SLC23A2: variants seen among roughly 807,000 people sequenced by gnomAD.
SLC23A2 encodes the protein Na(+)/L-ascorbic acid transporter 2.
SLC23A2 carries 36 observed loss-of-function variants against 73.3 expected under a neutral mutation model. That is an observed-to-expected ratio of 0.49 (90% CI 0.38 to 0.65). The LOEUF is 0.65. SLC23A2 is among the 30% of genes least tolerant of loss of function. The pLI is 0.00. For synonymous variants in SLC23A2, 343 were observed against 327.3 expected (o/e 1.05, Z -0.52); for missense variants, 507 against 841.6 (o/e 0.60, Z 4.92).
intron 3 of SLC23A2, among the ~76,000 whole-genome samples, chr20:4,915,922 T>C (rs1932306612): frequency 6.6e-6 from 1 of 152,156 alleles, no homozygotes. Flanking sequence ...TACTCCACCC[T>C]GGTCAACAGA....
chr20:4,871,378 T>G (rs1930440030), intron 11 of SLC23A2, among the ~76,000 whole-genome samples: 1 of 151,038 alleles, frequency 6.6e-6, no homozygotes, highest in Non-Finnish European at 1.5e-5. Flanking sequence ...GAGGAGGAGG[T>G]GGGAACGGAG....
At chr20:4,859,030 A>C (rs1240559025) in intron 16 of SLC23A2, among the ~76,000 whole-genome samples, 1 of 152,164 alleles carries the variant, frequency 6.6e-6, no homozygotes, top group Admixed American at 6.5e-5. Flanking sequence ...CTGCCATCTC[A>C]CCAAACGCAG....
intron 13 of SLC23A2, 84 bp downstream of exon 13, chr20:4,867,686 T>C (rs2122786927): frequency 3.2e-6 from 2 of 622,830 alleles, no homozygotes; most frequent in Non-Finnish European, 5.4e-6. Flanking sequence ...GGCCCGCCCA[T>C]TTGGAACTTG....
At chr20:4,875,546 T>C (rs3787458) in intron 9 of SLC23A2, among the ~76,000 whole-genome samples, 1 of 151,938 alleles carries the variant, frequency 6.6e-6, no homozygotes, top group Admixed American at 6.6e-5. Flanking sequence ...CTGGGCTGCG[T>C]AAGTCCCTCT....
intron 11 of SLC23A2, among the ~76,000 whole-genome samples, chr20:4,873,019 T>A (rs372121900): frequency 1.8e-4 from 28 of 152,304 alleles, no homozygotes; most frequent in East Asian, 1.2e-3. Context: ...CTCCCCAAAG[T>A]GCTGGGGTTA....
At chr20:4,910,858 G>A (rs1932117540) in intron 4 of SLC23A2, among the ~76,000 whole-genome samples, 1 of 152,206 alleles carries the variant, frequency 6.6e-6, no homozygotes, top group South Asian at 2.1e-4. Context: ...AAATACAAAT[G>A]TATCAATGTT....
rs543656526 is a variant in SLC23A2 at position 5,009,431 on chromosome 20, A to G, written c.-282+751T>C. ...CCACCCCGAGTCCCTAGGCTGGTGC[A>G]AGTATACTCCCTCCATGCATCACAG... On this transcript the variant is annotated intron_variant, in intron 1 of 16. Transcript: ENST00000379333. 9.9e-5 allele frequency among the ~76,000 whole-genome samples: 15 copies of G among 152,272 alleles called. No homozygotes were observed. In the South Asian group the frequency reaches 2.3e-3, roughly 23 times the overall value.
chr20:4,873,366 G>C (rs1013570210), intron 11 of SLC23A2, among the ~76,000 whole-genome samples: 2 of 152,112 alleles, frequency 1.3e-5, no homozygotes, highest in Non-Finnish European at 2.9e-5. Context: ...TGCGAGTCCA[G>C]GTGACACCCC....
chr20:4,945,322 C>T (rs534236407), intron 2 of SLC23A2, among the ~76,000 whole-genome samples: 8 of 151,584 alleles, frequency 5.3e-5, no homozygotes, highest in Admixed American at 2.0e-4. Context: ...GTTTGTTTGT[C>T]TTTTTTGAGA....
Position 4,874,657 on chromosome 20 carries a change from T to C in SLC23A2, c.864A>G (p.Arg288=), listed in dbSNP as rs1386855184. ...AAATCGGGAGAGGAAATTTAACATT[T>C]CTGGCGTATTGAGAAAACAGTAATA... is the stretch of plus-strand genomic sequence containing the variant. ...FLVLLFSQYA[R]NVKFPLPIYK... Residue 288 remains arginine (R), a synonymous_variant, in exon 10 of 17, where the codon AGA becomes AGG. Coordinates refer to ENST00000338244, the MANE Select transcript of SLC23A2 (RefSeq NM_005116.6). 3 of 1,612,468 alleles carry C rather than the reference T, an allele frequency of 1.9e-6. No homozygotes were observed. The highest frequency in any genetic ancestry group is 2.5e-6 in the Non-Finnish European group (3 of 1,178,868).
At chr20:4,874,935 GAAA>G (rs2086541649) in intron 9 of SLC23A2, among the ~76,000 whole-genome samples, 1 of 152,180 alleles carries the variant, frequency 6.6e-6, no homozygotes, top group Admixed American at 6.5e-5. Context: ...ATACTGAAAT[GAAA>G]TTCTGATGTA....
chr20:4,982,088 G>A (rs80223871), intron 1 of SLC23A2, among the ~76,000 whole-genome samples: 2 of 151,952 alleles, frequency 1.3e-5, no homozygotes, highest in South Asian at 4.1e-4. Context: ...TCCACCTCCT[G>A]GGTTCAAGCC....
At chr20:4,930,862 C>T (rs1473957281) in intron 3 of SLC23A2, among the ~76,000 whole-genome samples, 2 of 151,614 alleles carry the variant, frequency 1.3e-5, no homozygotes, top group South Asian at 2.1e-4. Context: ...TGGCATGCAT[C>T]CATAATACCA....
At chr20:4,950,409 G>A (rs1241471349) in intron 2 of SLC23A2, among the ~76,000 whole-genome samples, 1 of 152,160 alleles carries the variant, frequency 6.6e-6, no homozygotes, top group African/African-American at 2.4e-5. Context: ...TTAAAAGGTA[G>A]GCAAAGCCAA....
intron 4 of SLC23A2, among the ~76,000 whole-genome samples, chr20:4,905,293 G>A (rs1422777762): frequency 1.3e-5 from 2 of 152,094 alleles, no homozygotes. Flanking sequence ...TGATACAGGA[G>A]GGGGCTGTGT....
chr20:4,956,868 C>T (rs1193142355), intron 2 of SLC23A2, among the ~76,000 whole-genome samples: 4 of 144,304 alleles, frequency 2.8e-5, no homozygotes, highest in Admixed American at 7.3e-5. Context: ...AGTGCAATGG[C>T]GCGATCTTGG....
intron 3 of SLC23A2, among the ~76,000 whole-genome samples, chr20:4,920,093 T>C (rs1167602166): frequency 6.6e-6 from 1 of 152,076 alleles, no homozygotes; most frequent in Non-Finnish European, 1.5e-5. Flanking sequence ...AAACCCCATC[T>C]CCACTAAAAA....
At chr20:4,972,576 G>T (rs192759748) in intron 1 of SLC23A2, among the ~76,000 whole-genome samples, 1,831 of 144,058 alleles carry the variant, frequency 0.013, 33 homozygotes, top group East Asian at 0.052. Context: ...GTTTTTTGGG[G>T]TTTTTTTGTT....
intron 1 of SLC23A2, among the ~76,000 whole-genome samples, chr20:4,988,734 C>CA (rs35710976): frequency 0.57 from 70,567 of 124,884 alleles, 20,081 homozygotes; most frequent in East Asian, 0.69. Context: ...GACTTCGTCT[C>CA]AAAAAAAAAA....
Sources: gnomAD v4.1 joint callset for allele counts (sites outside exome capture counted in the v4.1 genomes callset) on GRCh38, gnomAD v4.1.1 for gene constraint, MANE v1.5 for transcripts, NCBI Gene and HGNC (gene_info 2026-07-23, HGNC 2026-07-21) for gene names.